PCDH11X: variants seen among roughly 807,000 people sequenced by gnomAD.
PCDH11X encodes the protein protocadherin-11 X-linked.
A neutral mutation model predicts 53.3 loss-of-function variants in PCDH11X; 18 were observed. The ratio of observed to expected loss-of-function variants is 0.34; its 90% CI spans 0.23 to 0.50. The LOEUF is 0.50. PCDH11X is among the 20% of genes least tolerant of loss of function. The probability of loss-of-function intolerance (pLI) is 0.98; values close to 1 mark genes in which losing one functional copy is unlikely to be tolerated. For missense variants in PCDH11X, 570 were observed against 1,032.4 expected (o/e 0.55, Z 6.14); for synonymous variants, 279 against 393.3 (o/e 0.71, Z 3.44).
chrX:92,420,924 T>A (rs1187395147), intron 9 of PCDH11X, among the ~76,000 whole-genome samples: 4 of 111,298 alleles, frequency 3.6e-5, no homozygotes, highest in Non-Finnish European at 7.5e-5. Flanking sequence ...TCAAAGACAT[T>A]TATTTTAAAA....
chrX:92,425,320 G>A, intron 9 of PCDH11X, among the ~76,000 whole-genome samples: 1 of 109,817 alleles, frequency 9.1e-6, no homozygotes, highest in East Asian at 2.9e-4. Context: ...AGTAGATGTG[G>A]CAGATATTTG....
At chrX:92,328,069 T>G (rs1482599482) in intron 8 of PCDH11X, among the ~76,000 whole-genome samples, 1 of 109,662 alleles carries the variant, frequency 9.1e-6, no homozygotes, top group Admixed American at 9.9e-5. Context: ...CCAAACAAAA[T>G]GTATGAAACA....
rs1290043524 is a variant in PCDH11X at position 92,220,661 on chromosome X, A to G, written c.3114+19206A>G. Among the ~76,000 whole-genome samples, 3 of 110,725 alleles carry G rather than the reference A, an allele frequency of 2.7e-5. No homozygotes were observed. The East Asian group carries it at 8.6e-4, about 32-fold the overall frequency. On this transcript the variant is annotated intron_variant, in intron 7 of 10. Coordinates refer to ENST00000682573, the MANE Select transcript of PCDH11X (RefSeq NM_032968.5). The stretch of plus-strand genomic sequence containing the variant: ...TGTGGCGATTCCTCAGGGATGTAGA[A>G]CTAGAAATACCATTTGACCCAGCCA...
intron 9 of PCDH11X, among the ~76,000 whole-genome samples, chrX:92,458,896 C>G (rs760062607): frequency 3.3e-3 from 357 of 109,752 alleles, no homozygotes; most frequent in Non-Finnish European, 5.6e-3. Flanking sequence ...TTAAACCCAA[C>G]AGTGGAATTG....
At chrX:92,279,728 C>T (rs147348562) in intron 8 of PCDH11X, among the ~76,000 whole-genome samples, 1,263 of 112,287 alleles carry the variant, frequency 0.011, 19 homozygotes, top group African/African-American at 0.039. Context: ...TTAGTTGGTA[C>T]ATATTTGGCA....
In PCDH11X at chrX:91,939,668, T is replaced by A. The variant is rs1423720310; in HGVS notation, c.3033+60395T>A. ...ACAGCAGAATTCTTGTCTGAAACAA[T>A]GCAAGTAAAAAGACAGTGGAGGGCT... is the stretch of plus-strand genomic sequence containing the variant. On this transcript the variant is annotated intron_variant, in intron 6 of 10. Transcript: ENST00000682573. 6.4e-5 allele frequency among the ~76,000 whole-genome samples: 7 copies of A among 109,013 alleles called. No homozygotes were observed. In the Admixed American group the frequency reaches 6.9e-4, roughly 11 times the overall value. 94.7% of individuals were successfully genotyped at this position (109,013 alleles called of 115,157 possible). A position where few individuals can be genotyped will look rare whatever the true frequency, so the allele number is the denominator to read the frequency against.
intron 7 of PCDH11X, among the ~76,000 whole-genome samples, chrX:92,245,184 G>T (rs2067326059): frequency 8.9e-6 from 1 of 112,525 alleles, no homozygotes; most frequent in Non-Finnish European, 1.9e-5. Flanking sequence ...AGCCTCTAGG[G>T]GAATGAAATA....
intron 6 of PCDH11X, among the ~76,000 whole-genome samples, chrX:92,193,309 A>T (rs943967924): frequency 9.0e-5 from 10 of 111,653 alleles, no homozygotes; most frequent in African/African-American, 2.9e-4. Context: ...AGTATTATTG[A>T]TACACATCAG....
At chrX:91,871,199 C>T (rs1319139392) in intron 5 of PCDH11X, among the ~76,000 whole-genome samples, 1 of 109,725 alleles carries the variant, frequency 9.1e-6, no homozygotes, top group Non-Finnish European at 1.9e-5. Context: ...TGAGAATATT[C>T]AATGTGTATT....
At chrX:92,465,995 T>C (rs2750625) in intron 9 of PCDH11X, among the ~76,000 whole-genome samples, 1 of 111,275 alleles carries the variant, frequency 9.0e-6, no homozygotes, top group African/African-American at 3.2e-5. Flanking sequence ...AAAATAATGA[T>C]GCCTAAACTA....
At chrX:92,217,112 A>G in intron 7 of PCDH11X, among the ~76,000 whole-genome samples, 1 of 111,388 alleles carries the variant, frequency 9.0e-6, no homozygotes, top group Non-Finnish European at 1.9e-5. Flanking sequence ...CAAATTGTAA[A>G]GACCATCGAG....
chrX:91,802,508 A>T (rs1253578226), intron 1 of PCDH11X, among the ~76,000 whole-genome samples: 1 of 111,304 alleles, frequency 9.0e-6, no homozygotes, highest in African/African-American at 3.3e-5. Context: ...GAAGGCCCAC[A>T]CATTCTGATA....
intron 7 of PCDH11X, among the ~76,000 whole-genome samples, chrX:92,251,911 A>C (rs62598493): frequency 0.12 from 13,156 of 110,695 alleles, 1,249 homozygotes; most frequent in African/African-American, 0.31. Flanking sequence ...TGTTATCTTT[A>C]TTGTTATAAA....
chrX:92,354,895 A>G (rs2070153360), intron 8 of PCDH11X, among the ~76,000 whole-genome samples: 1 of 111,336 alleles, frequency 9.0e-6, no homozygotes, highest in African/African-American at 3.3e-5. Context: ...AAATAATGGC[A>G]GTGAACTCGT....
intron 10 of PCDH11X, among the ~76,000 whole-genome samples, chrX:92,471,490 T>G (rs2073261430): frequency 9.2e-6 from 1 of 108,198 alleles, no homozygotes. Context: ...ATGTACCACA[T>G]ATTCTTTACC....
At chrX:92,049,471 G>T (rs2063337112) in intron 6 of PCDH11X, among the ~76,000 whole-genome samples, 1 of 109,972 alleles carries the variant, frequency 9.1e-6, no homozygotes, top group African/African-American at 3.3e-5. Context: ...CCAGAGCTTA[G>T]TCCTCACAGT....
At chrX:91,899,591 T>C (rs1602455931) in intron 6 of PCDH11X, among the ~76,000 whole-genome samples, 2 of 110,021 alleles carry the variant, frequency 1.8e-5, no homozygotes, top group Admixed American at 9.8e-5. Flanking sequence ...TATATATATA[T>C]ACATATAAAA....
intron 7 of PCDH11X, among the ~76,000 whole-genome samples, chrX:92,205,721 C>T (rs2066465655): frequency 9.2e-6 from 1 of 108,853 alleles, no homozygotes; most frequent in Admixed American, 9.9e-5. Flanking sequence ...CTGCCTCAGC[C>T]TCCCAAGTAG....
chrX:91,828,120 C>CTTTTT (rs764755111), intron 4 of PCDH11X, among the ~76,000 whole-genome samples: 39 of 84,838 alleles, frequency 4.6e-4, no homozygotes, highest in African/African-American at 1.5e-3. Flanking sequence ...AGGCAGAATT[C>CTTTTT]TTTTTTTTTT....
Sources: gnomAD v4.1 joint callset for allele counts (sites outside exome capture counted in the v4.1 genomes callset) on GRCh38, gnomAD v4.1.1 for gene constraint, MANE v1.5 for transcripts, NCBI Gene and HGNC (gene_info 2026-07-23, HGNC 2026-07-21) for gene names.